Variants in PRRC2C observed in about 807,000 individuals in gnomAD.
PRRC2C encodes the protein protein PRRC2C.
A neutral mutation model predicts 317.2 loss-of-function variants in PRRC2C; 72 were observed. That is an observed-to-expected ratio of 0.23 (90% CI 0.19 to 0.28). The LOEUF is 0.28. Among genes scored for constraint, PRRC2C ranks in the 10% least tolerant of loss-of-function variants. The probability of loss-of-function intolerance (pLI) is 1.00; values close to 1 mark genes in which losing one functional copy is unlikely to be tolerated. For synonymous variants in PRRC2C, 1,296 were observed against 1,205.9 expected (o/e 1.07, Z -1.55); for missense variants, 3,074 against 3,459.7 (o/e 0.89, Z 2.80).
intron 30 of PRRC2C, among the ~76,000 whole-genome samples, chr1:171,585,254 G>T (rs1049976599): frequency 1.3e-4 from 20 of 152,292 alleles, no homozygotes; most frequent in African/African-American, 4.3e-4. Context: ...CTAGGGAGAA[G>T]CCTCCCAAAG....
At chr1:171,565,098 A>G (rs1444498271) in intron 20 of PRRC2C, among the ~76,000 whole-genome samples, 1 of 152,166 alleles carries the variant, frequency 6.6e-6, no homozygotes, top group Non-Finnish European at 1.5e-5. Context: ...TTGTTGTAAC[A>G]AAGCCCTAGG....
At chr1:171,544,116 T>G (rs1193691157) in intron 16 of PRRC2C, among the ~76,000 whole-genome samples, 1 of 152,098 alleles carries the variant, frequency 6.6e-6, no homozygotes, top group Non-Finnish European at 1.5e-5. Context: ...ATGAACTTTT[T>G]TTTTTTTATT....
intron 34 of PRRC2C, among the ~76,000 whole-genome samples, chr1:171,589,941 A>G (rs1404355752): frequency 6.6e-6 from 1 of 151,190 alleles, no homozygotes; most frequent in Admixed American, 6.6e-5. Flanking sequence ...TTGGAATAGC[A>G]AAGAAGTAAT....
intron 27 of PRRC2C, 22 bp downstream of exon 27, chr1:171,579,488 A>G (rs1287106145): frequency 6.2e-7 from 1 of 1,610,566 alleles, no homozygotes; most frequent in Non-Finnish European, 8.5e-7. Flanking sequence ...GACTTCTTCC[A>G]TCCTGTATTT....
intron 10 of PRRC2C, among the ~76,000 whole-genome samples, chr1:171,527,314 G>T (rs1293498057): frequency 2.0e-5 from 3 of 147,914 alleles, no homozygotes; most frequent in Non-Finnish European, 3.0e-5. Context: ...TGTATTTTTA[G>T]TAGAGACAGG....
At chr1:171,495,016 T>G (rs950088346) in intron 1 of PRRC2C, among the ~76,000 whole-genome samples, 3 of 152,242 alleles carry the variant, frequency 2.0e-5, no homozygotes, top group Non-Finnish European at 2.9e-5. Flanking sequence ...CTATAAGTTT[T>G]AGTTTAATGT....
chr1:171,551,325 T>C (rs1387022590), intron 18 of PRRC2C, among the ~76,000 whole-genome samples: 2 of 152,224 alleles, frequency 1.3e-5, no homozygotes, highest in East Asian at 3.8e-4. Flanking sequence ...TGATTTTTTC[T>C]TGTAAATTTA....
intron 32 of PRRC2C, 67 bp downstream of exon 32, chr1:171,587,818 G>A (rs199834426): frequency 4.1e-4 from 428 of 1,032,502 alleles, no homozygotes; most frequent in African/African-American, 2.7e-3. Flanking sequence ...ATACTTATCA[G>A]TCCTGTGTGA....
chr1:171,573,460 TAAATTCCCC>T (rs763276467), intron 24 of PRRC2C, among the ~76,000 whole-genome samples: 60 of 152,274 alleles, frequency 3.9e-4, no homozygotes, highest in South Asian at 6.2e-4. Flanking sequence ...GCTTACTTCC[TAAATTCCCC>T]CAAGACTTCT....
At chr1:171,583,892 T>C in intron 28 of PRRC2C, 64 bp from the exon 29 acceptor site, 1 of 1,422,142 alleles carries the variant, frequency 7.0e-7, no homozygotes, top group Non-Finnish European at 9.7e-7. Context: ...TTTGCATTCT[T>C]AAGATTTTCA....
intron 11 of PRRC2C, among the ~76,000 whole-genome samples, chr1:171,529,025 A>G (rs1285595599): frequency 1.3e-5 from 2 of 151,994 alleles, no homozygotes; most frequent in Non-Finnish European, 2.9e-5. Context: ...TCGAACTCCT[A>G]GACAAGATAC....
intron 15 of PRRC2C, among the ~76,000 whole-genome samples, chr1:171,538,335 A>G (rs950964927): frequency 2.0e-5 from 3 of 152,180 alleles, no homozygotes; most frequent in African/African-American, 7.2e-5. Context: ...TACAATGCTT[A>G]TATAATATAG....
At position 171,593,107 on chromosome 1, in the gene PRRC2C, C is replaced by G. The variant is rs921831903; in HGVS notation, c.*1260C>G. 6.6e-6 allele frequency: 1 copy of G among 151,958 alleles called. No homozygotes were observed. Among genetic ancestry groups the G allele is most frequent in the Middle Eastern group, 3.4e-3 (1 of 294 alleles). 9.4% of individuals were successfully genotyped at this position (151,958 alleles called of 1,614,324 possible). A position where few individuals can be genotyped will look rare whatever the true frequency, so the allele number is the denominator to read the frequency against. On this transcript the variant is annotated 3_prime_UTR_variant, in exon 35 of 35. Coordinates refer to ENST00000647382, the MANE Select transcript of PRRC2C (RefSeq NM_001387844.1). ...AACAGTAACAGAACTTTGCAATTTT[C>G]TGGGGTTTTGTTTTTTACCTTTTTC...
At chr1:171,491,232 A>G (rs1160140037) in intron 1 of PRRC2C, among the ~76,000 whole-genome samples, 1 of 152,178 alleles carries the variant, frequency 6.6e-6, no homozygotes, top group Non-Finnish European at 1.5e-5. Flanking sequence ...GAGAATGGGT[A>G]TCTAGATAAG....
chr1:171,499,854 C>T (rs528322890), intron 1 of PRRC2C, among the ~76,000 whole-genome samples: 25 of 152,146 alleles, frequency 1.6e-4, no homozygotes, highest in Non-Finnish European at 2.5e-4. Flanking sequence ...AAAAAAGTAA[C>T]GAGGCTGAAA....
chr1:171,510,346 C>T (rs1671100784), intron 1 of PRRC2C: 1 of 151,992 alleles, frequency 6.6e-6, no homozygotes, highest in Non-Finnish European at 1.5e-5. Context: ...CAGAAAAGTC[C>T]AAGATTTCAG....
chr1:171,587,272 T>G, intron 31 of PRRC2C, 51 bp downstream of exon 31: 1 of 1,472,014 alleles, frequency 6.8e-7, no homozygotes, highest in Non-Finnish European at 9.2e-7. Context: ...AGGTAGTGTG[T>G]TCAGATATAT....
rs1672641004 is a variant in PRRC2C, at chr1:171,517,750, A to C, written c.686A>C (p.Gln229Pro). The C allele has an allele frequency of 2.5e-6, 4 of 1,613,874 alleles. No individual in the cohort carries two copies. Among genetic ancestry groups the C allele is most frequent in the Non-Finnish European group, 3.4e-6 (4 of 1,179,896 alleles). ...AAGAGGATAGCTTGTGGTCCTCCACAGGCTAAACTGAATGGACAGCAGGCT... is the reference window on the plus strand; with the variant it reads ...AAGAGGATAGCTTGTGGTCCTCCACCGGCTAAACTGAATGGACAGCAGGCT... ...VEKRIACGPP[Q>P]AKLNGQQAAL... Residue 229 changes from glutamine to proline, a missense_variant, in exon 6 of 35, where the codon CAG becomes CCG. Gln to Pro is a moderately conservative substitution (Grantham distance 76). Coordinates refer to ENST00000647382, the MANE Select transcript of PRRC2C (RefSeq NM_001387844.1).
intron 3 of PRRC2C, 124 bp from the exon 4 acceptor site, chr1:171,514,412 T>A (rs962691384): frequency 1.4e-6 from 1 of 696,794 alleles, no homozygotes; most frequent in Non-Finnish European, 2.4e-6. Flanking sequence ...AAACATTTAT[T>A]GGAGATTTAC....
Sources: gnomAD v4.1 joint callset for allele counts (sites outside exome capture counted in the v4.1 genomes callset) on GRCh38, gnomAD v4.1.1 for gene constraint, MANE v1.5 for transcripts, NCBI Gene and HGNC (gene_info 2026-07-23, HGNC 2026-07-21) for gene names.